PRKG1: variants seen among roughly 807,000 people sequenced by gnomAD.
PRKG1 encodes the protein protein kinase cGMP-dependent 1, also known as cGMP-dependent protein kinase 1.
PRKG1 carries 35 observed loss-of-function variants against 88.1 expected under a neutral mutation model. The observed-to-expected ratio is 0.40, with a 90% CI of 0.30 to 0.53. PRKG1 has a LOEUF of 0.53. Among genes scored for constraint, PRKG1 ranks in the 20% least tolerant of loss-of-function variants. The pLI is 0.59. For synonymous variants in PRKG1, 303 were observed against 292.5 expected (o/e 1.04, Z -0.37); for missense variants, 540 against 839.8 (o/e 0.64, Z 4.41).
chr10:51,275,039 C>T (rs1415382533), intron 2 of PRKG1, among the ~76,000 whole-genome samples: 8 of 152,266 alleles, frequency 5.3e-5, no homozygotes, highest in South Asian at 2.1e-4. Context: ...CTTAAAGTGC[C>T]GTGAATGACT....
Position 52,075,185 on chromosome 10 carries a change from CA to C in PRKG1, c.935+12559del, listed in dbSNP as rs202047289. Among the ~76,000 whole-genome samples, 1,408 of 152,220 alleles carry C rather than the reference CA, an allele frequency of 9.2e-3. 23 individuals carry two copies. The highest frequency in any genetic ancestry group is 0.031 in the African/African-American group (1,304 of 41,544). On this transcript the variant is annotated intron_variant, in intron 7 of 17. Transcript: ENST00000373980. Reference sequence around the variant, plus strand: ...TTAAAAATACCACTTATGATAGCATCAAAAACTAGGGAGTAGTTACAGATAA... The same window carrying C: ...TTAAAAATACCACTTATGATAGCATCAAAACTAGGGAGTAGTTACAGATAA...
intron 3 of PRKG1, among the ~76,000 whole-genome samples, chr10:51,604,643 C>T (rs193125006): frequency 5.9e-5 from 9 of 152,304 alleles, no homozygotes; most frequent in Non-Finnish European, 1.2e-4. Flanking sequence ...TTTGCTGATA[C>T]GGGAGAGTTT....
chr10:51,349,423 T>TA (rs1412259336), intron 2 of PRKG1, among the ~76,000 whole-genome samples: 1 of 151,548 alleles, frequency 6.6e-6, no homozygotes, highest in South Asian at 2.1e-4. Context: ...TCAGAGAAGA[T>TA]AAAAAATTGT....
At chr10:51,825,403 C>T (rs1839858859) in intron 4 of PRKG1, among the ~76,000 whole-genome samples, 1 of 152,130 alleles carries the variant, frequency 6.6e-6, no homozygotes, top group Non-Finnish European at 1.5e-5. Flanking sequence ...GAATAAAAAT[C>T]AGTCCTCTCA....
intron 5 of PRKG1, among the ~76,000 whole-genome samples, chr10:51,998,499 A>G (rs1385358503): frequency 6.6e-6 from 1 of 152,144 alleles, no homozygotes; most frequent in Non-Finnish European, 1.5e-5. Context: ...ATTTGGAAAG[A>G]TGTTTTTAAA....
chr10:51,650,165 G>A (rs1316510562), intron 3 of PRKG1, among the ~76,000 whole-genome samples: 1 of 152,140 alleles, frequency 6.6e-6, no homozygotes, highest in Non-Finnish European at 1.5e-5. Flanking sequence ...TATTCACGAG[G>A]TGCTCAGGAG....
At chr10:51,955,641 T>C (rs1843285609) in intron 5 of PRKG1, among the ~76,000 whole-genome samples, 1 of 152,160 alleles carries the variant, frequency 6.6e-6, no homozygotes, top group African/African-American at 2.4e-5. Context: ...TTTAAAAATG[T>C]CTTTATGTCT....
intron 2 of PRKG1, among the ~76,000 whole-genome samples, chr10:51,194,399 C>T (rs1837709197): frequency 1.3e-5 from 2 of 151,972 alleles, no homozygotes. Context: ...GCACCCAACC[C>T]CCTGACAGGC....
In PRKG1 at chr10:51,858,410, A is replaced by AAT. The variant is rs1366072997; in HGVS notation, c.699-49087_699-49086dup. On this transcript the variant is annotated intron_variant, in intron 4 of 17. Coordinates refer to ENST00000373980, the MANE Select transcript of PRKG1 (RefSeq NM_006258.4). ...TATATAATATATATAATATATATAA[A>AAT]ATATATATATAATATATATATATAG... Among the ~76,000 whole-genome samples the AAT allele has an allele frequency of 1.4e-4, 8 of 56,886 alleles. 1 individual carries two copies. The Admixed American group carries it at 2.3e-3, about 16-fold the overall frequency. 37.3% of individuals were successfully genotyped at this position (56,886 alleles called of 152,430 possible).
chr10:51,660,128 A>AT (rs1269851152), intron 3 of PRKG1, among the ~76,000 whole-genome samples: 69 of 63,536 alleles, frequency 1.1e-3, no homozygotes, highest in Non-Finnish European at 2.4e-3. Context: ...AGGGAAGGGA[A>AT]TTAAAAAAAA....
chr10:51,376,685 T>G (rs2132620255), intron 2 of PRKG1, among the ~76,000 whole-genome samples: 1 of 152,310 alleles, frequency 6.6e-6, no homozygotes, highest in Admixed American at 6.5e-5. Flanking sequence ...TTTTTGTTTG[T>G]TTGTTTTTGA....
intron 3 of PRKG1, among the ~76,000 whole-genome samples, chr10:51,481,342 G>A (rs1181132294): frequency 6.6e-6 from 1 of 152,058 alleles, no homozygotes; most frequent in Non-Finnish European, 1.5e-5. Flanking sequence ...CCATCTCACA[G>A]GTTAAAGCAA....
At chr10:51,605,325 C>T (rs1438602438) in intron 3 of PRKG1, among the ~76,000 whole-genome samples, 3 of 152,170 alleles carry the variant, frequency 2.0e-5, no homozygotes, top group South Asian at 2.1e-4. Flanking sequence ...CACTTAGGTC[C>T]GTAGGCACAG....
At chr10:52,216,058 A>G (rs1209963852) in intron 9 of PRKG1, among the ~76,000 whole-genome samples, 1 of 152,206 alleles carries the variant, frequency 6.6e-6, no homozygotes, top group Non-Finnish European at 1.5e-5. Context: ...CCCTGAGGCT[A>G]TTACTTTCTC....
intron 8 of PRKG1, among the ~76,000 whole-genome samples, chr10:52,146,973 C>T (rs1837745755): frequency 6.6e-6 from 1 of 152,110 alleles, no homozygotes; most frequent in African/African-American, 2.4e-5. Flanking sequence ...AGTTACATCA[C>T]CGTCCTAAAA....
chr10:51,628,010 CTTTCTTTCTT>C (rs775125595), intron 3 of PRKG1, among the ~76,000 whole-genome samples: 11,591 of 77,536 alleles, frequency 0.15, 1,646 homozygotes, highest in East Asian at 0.23. Flanking sequence ...CTCTCTCTCT[CTTTCTTTCTT>C]TCTTTCTTTC....
rs542910264 is a variant in PRKG1 at position 51,584,568 on chromosome 10, C to T, written c.592+116732C>T. On this transcript the variant is annotated intron_variant, in intron 3 of 17. Transcript: ENST00000373980. ...TTACCTGTTTATCATCCCGCCTGAC[C>T]TATTCTTAGTTGTCAACATTTATGG... 1.7e-3 allele frequency among the ~76,000 whole-genome samples: 262 copies of T among 152,130 alleles called. 2 individuals carry two copies. Among genetic ancestry groups the T allele is most frequent in the African/African-American group, 6.1e-3 (255 of 41,554 alleles).
intron 6 of PRKG1, among the ~76,000 whole-genome samples, chr10:52,056,605 G>A (rs1846115852): frequency 6.6e-6 from 1 of 152,084 alleles, no homozygotes; most frequent in Admixed American, 6.6e-5. Context: ...GGGATTCTGG[G>A]AGGGAAGTAG....
At chr10:51,934,256 C>CAA (rs200883465) in intron 5 of PRKG1, among the ~76,000 whole-genome samples, 1 of 145,356 alleles carries the variant, frequency 6.9e-6, no homozygotes, top group South Asian at 2.2e-4. Context: ...ACACACATAC[C>CAA]CCCCCCCCAA....
Sources: gnomAD v4.1 joint callset for allele counts (sites outside exome capture counted in the v4.1 genomes callset) on GRCh38, gnomAD v4.1.1 for gene constraint, MANE v1.5 for transcripts, NCBI Gene and HGNC (gene_info 2026-07-23, HGNC 2026-07-21) for gene names.